Variants in TXLNB observed in about 807,000 individuals in gnomAD.
TXLNB encodes the protein beta-taxilin.
A neutral mutation model predicts 57.4 loss-of-function variants in TXLNB; 37 were observed. The observed-to-expected ratio is 0.64, with a 90% confidence interval of 0.50 to 0.85. The LOEUF is 0.85. Among genes scored for constraint, TXLNB ranks in the 40% least tolerant of loss-of-function variants. The pLI is 0.00. For missense variants in TXLNB, 848 were observed against 825.6 expected (o/e 1.03, Z -0.33); for synonymous variants, 302 against 309.6 (o/e 0.98, Z 0.26).
At chr6:139,164,080 A>ACACAAACACACACACACACTCT in the TXLNB span, among the ~76,000 whole-genome samples, 4 of 148,068 alleles carry the variant, frequency 2.7e-5, no homozygotes, top group African/African-American at 1.0e-4. Flanking sequence ...ACACACACAC[A>ACACAAACACACACACACACTCT]CTCTCTCTCT....
chr6:139,185,221 C>T, the TXLNB span, among the ~76,000 whole-genome samples: 43 of 152,030 alleles, frequency 2.8e-4, no homozygotes, highest in Admixed American at 2.8e-3. Flanking sequence ...CACAAAGTTA[C>T]CCACCACAAG....
chr6:139,228,082 AATT>A, the TXLNB span, among the ~76,000 whole-genome samples: 2 of 152,220 alleles, frequency 1.3e-5, no homozygotes, highest in African/African-American at 2.4e-5. Context: ...CATAGAAGTT[AATT>A]ATTAGAATTT....
rs1361515758 is a variant in TXLNB at position 139,255,643 on chromosome 6, G to C, written c.1003-5C>G. 1 of 1,612,050 alleles carries C rather than the reference G, an allele frequency of 6.2e-7. No individual in the cohort carries two copies. Among genetic ancestry groups the C allele is most frequent in the East Asian group, 2.2e-5 (1 of 44,862 alleles). On this transcript the variant is annotated splice_region_variant and splice_polypyrimidine_tract_variant and intron_variant, in intron 6 of 9. Coordinates refer to ENST00000358430, the MANE Select transcript of TXLNB (RefSeq NM_153235.4). ...CTCTGCTGCCTGGTTCAGCAACTAT[G>C]AGAAGAGAGAGTGTGTGGAAAGATG...
chr6:139,308,384 C>T, the TXLNB span, among the ~76,000 whole-genome samples: 293 of 152,302 alleles, frequency 1.9e-3, 1 homozygote, highest in African/African-American at 6.8e-3. Flanking sequence ...CCAGCCCAGA[C>T]GCCGTCTGAA....
the TXLNB span, chr6:139,180,445 CT>C: frequency 1.3e-5 from 2 of 152,722 alleles, no homozygotes; most frequent in East Asian, 3.9e-4. Flanking sequence ...TGTTGAGTAA[CT>C]TTCATTGGAG....
chr6:139,224,846 G>A, the TXLNB span, among the ~76,000 whole-genome samples: 1 of 151,788 alleles, frequency 6.6e-6, no homozygotes, highest in Non-Finnish European at 1.5e-5. Flanking sequence ...AGATAGAAAA[G>A]TAAGGCATAC....
chr6:139,301,593 G>C, the TXLNB span, among the ~76,000 whole-genome samples: 79 of 152,200 alleles, frequency 5.2e-4, no homozygotes, highest in African/African-American at 1.9e-3. Context: ...CCATGGGTTA[G>C]AAGAGCACAC....
the TXLNB span, among the ~76,000 whole-genome samples, chr6:139,205,126 C>T: frequency 6.6e-6 from 1 of 152,258 alleles, no homozygotes; most frequent in Admixed American, 6.5e-5. Context: ...TCACATCCCA[C>T]TGTTACTGCC....
At chr6:139,258,356 T>C (rs1176144916) in intron 6 of TXLNB, among the ~76,000 whole-genome samples, 1 of 152,212 alleles carries the variant, frequency 6.6e-6, no homozygotes, top group African/African-American at 2.4e-5. Context: ...AAAGTACCAA[T>C]ATACTATGGG....
At chr6:139,292,148 G>A (rs1777317486), upstream of TXLNB, 1 of 153,224 alleles carries the variant, frequency 6.5e-6, no homozygotes, top group African/African-American at 2.4e-5. The surrounding 1 kb of genome is among the most constrained non-coding windows in gnomAD (Gnocchi z 4.0). Context: ...TGGAGGAGGT[G>A]GGGGTAGGGA....
intron 9 of TXLNB, 140 bp from the exon 10 acceptor site, chr6:139,243,454 A>C (rs994585650): frequency 1.5e-6 from 1 of 677,728 alleles, no homozygotes; most frequent in African/African-American, 1.9e-5. Context: ...GCTACAGAGT[A>C]GGGGCTGAAC....
At chr6:139,292,253 G>C (rs1199600438), upstream of TXLNB, 2 of 152,234 alleles carry the variant, frequency 1.3e-5, no homozygotes, top group Non-Finnish European at 2.9e-5. The surrounding 1 kb of genome is among the most constrained non-coding windows in gnomAD (Gnocchi z 4.0). Context: ...GCAGCTGGAA[G>C]ATCTCATTAG....
intron 4 of TXLNB, among the ~76,000 whole-genome samples, chr6:139,267,448 G>A (rs571433344): frequency 4.6e-5 from 7 of 152,244 alleles, no homozygotes; most frequent in African/African-American, 1.7e-4. Context: ...AATTAAGAAT[G>A]TATATTGTAA....
chr6:139,253,917 CA>C (rs1239845726), intron 7 of TXLNB, among the ~76,000 whole-genome samples: 1 of 152,114 alleles, frequency 6.6e-6, no homozygotes, highest in African/African-American at 2.4e-5. Flanking sequence ...GAATGAGGCA[CA>C]GATAGAATTA....
the TXLNB span, among the ~76,000 whole-genome samples, chr6:139,302,253 T>C: frequency 6.7e-6 from 1 of 149,056 alleles, no homozygotes; most frequent in Non-Finnish European, 1.5e-5. Flanking sequence ...TTTGTGTTAG[T>C]AAGAGGAAAA....
At chr6:139,254,315 T>TTGTGTGTGTGTGTG (rs60108019) in intron 7 of TXLNB, among the ~76,000 whole-genome samples, 199 of 150,122 alleles carry the variant, frequency 1.3e-3, no homozygotes, top group African/African-American at 3.9e-3. Flanking sequence ...TGAACACGAT[T>TTGTGTGTGTGTGTG]TGTGTGTGTG....
chr6:139,273,034 C>CA (rs987370891), intron 3 of TXLNB, among the ~76,000 whole-genome samples: 65 of 148,114 alleles, frequency 4.4e-4, no homozygotes, highest in African/African-American at 1.4e-3. Context: ...GACTCCATCT[C>CA]AAAAAAAAAG....
chr6:139,164,009 T>C, the TXLNB span, among the ~76,000 whole-genome samples: 1 of 152,078 alleles, frequency 6.6e-6, no homozygotes, highest in Non-Finnish European at 1.5e-5. Flanking sequence ...ATCTTCCCTG[T>C]CCTGCTGTTC....
At chr6:139,301,086 A>T in the TXLNB span, among the ~76,000 whole-genome samples, 3 of 152,176 alleles carry the variant, frequency 2.0e-5, no homozygotes, top group African/African-American at 7.2e-5. Context: ...ACCTAACTCC[A>T]GGGGTCACTG....
Sources: allele counts gnomAD v4.1 joint callset (sites outside exome capture counted in the v4.1 genomes callset), GRCh38; gene constraint gnomAD v4.1.1; non-coding constraint Gnocchi (gnomAD v3.1); transcripts MANE v1.5; gene names NCBI Gene and HGNC (gene_info 2026-07-23, HGNC 2026-07-21).